Variants in ACSM3 observed in about 807,000 individuals in gnomAD.
The protein encoded by ACSM3 is acyl-coenzyme A synthetase ACSM3, mitochondrial.
Under a neutral mutation model 74.1 loss-of-function variants are expected in ACSM3, and 61 were observed. That is an observed-to-expected ratio of 0.82 (90% CI 0.67 to 1.02). ACSM3 has a LOEUF of 1.02. Among genes scored for constraint, ACSM3 ranks in the 50% least tolerant of loss-of-function variants. The pLI is 0.00. For missense variants in ACSM3, 660 were observed against 697.0 expected, an observed-to-expected ratio of 0.95 and a Z score of 0.60; for synonymous variants, 213 against 241.5, an observed-to-expected ratio of 0.88 and a Z score of 1.09.
At chr16:20,786,296 A>C in intron 9 of ACSM3, 138 bp downstream of exon 9, 1 of 1,400,074 alleles carries the variant, frequency 7.1e-7, no homozygotes, top group Non-Finnish European at 9.4e-7. Flanking sequence ...TTTTATAAAT[A>C]TGTGAAAATG....
chr16:20,702,395 G>A (rs2079715061), intron 1 of ACSM3, among the ~76,000 whole-genome samples: 1 of 152,174 alleles, frequency 6.6e-6, no homozygotes, highest in African/African-American at 2.4e-5. Flanking sequence ...TGTATCTTTA[G>A]TAGAGATGGG....
Position 20,790,729 on chromosome 16 carries a change from T to C in ACSM3, c.1326+41T>C, listed in dbSNP as rs1333142244. 10 of 1,613,958 alleles carry C rather than the reference T, an allele frequency of 6.2e-6. No homozygotes were observed. Among genetic ancestry groups the C allele is most frequent in the South Asian group, 2.2e-5 (2 of 91,072 alleles). On this transcript the variant is annotated intron_variant, in intron 10 of 13. Coordinates refer to ENST00000289416, the MANE Select transcript of ACSM3 (RefSeq NM_005622.4). This position sits in a 1 kb window ranked among gnomAD's most constrained non-coding sequence, Gnocchi z 4.0. ...AATAATCTCATTTTCTATTTATTTC[T>C]CAAGTGCTTGGTAACAATCCCTGTT...
In ACSM3 at chr16:20,767,410, G is replaced by A. The variant is rs1349221197; in HGVS notation, c.-51-2574G>A. Among the ~76,000 whole-genome samples, 4 of 59,142 alleles carry A rather than the reference G, an allele frequency of 6.8e-5. 2 individuals are homozygous for A. The highest frequency in any genetic ancestry group is 1.6e-4 in the Non-Finnish European group (4 of 25,412). The allele number at this position is 59,142 out of a possible 152,430, so 38.8% of individuals were successfully genotyped here. A position where few individuals can be genotyped will look rare whatever the true frequency, so the allele number is the denominator to read the frequency against. The stretch of plus-strand genomic sequence containing the variant: ...CGGGCGCCTGTAGTCCCAGCTACTC[G>A]GGAGGCTGAGGCAGGAGAATGGCGT... On this transcript the variant is annotated intron_variant, in intron 1 of 13. Coordinates refer to ENST00000289416, the MANE Select transcript of ACSM3 (RefSeq NM_005622.4).
rs35507753 is a variant in ACSM3 at position 20,693,169 on chromosome 16, C to CA, written c.-190+18364dup. ...TGGGCAACAGAGCAAAATTCCGTCTCAAAAAAAAAAAAAAAAATTCAGATC... is the reference window on the plus strand; with the variant it reads ...TGGGCAACAGAGCAAAATTCCGTCTCAAAAAAAAAAAAAAAAAATTCAGATC... On this transcript the variant is annotated intron_variant, in intron 1 of 3. Transcript: ENST00000561584. Among the ~76,000 whole-genome samples the CA allele has an allele frequency of 6.6e-3, 751 of 114,412 alleles. 2 individuals are homozygous for CA. Among genetic ancestry groups the CA allele is most frequent in the East Asian group, 0.021 (89 of 4,154 alleles). 75.1% of individuals were successfully genotyped at this position (114,412 alleles called of 152,430 possible). A position where few individuals can be genotyped will look rare whatever the true frequency, so the allele number is the denominator to read the frequency against.
At chr16:20,775,269 C>T (rs1210939779) in intron 2 of ACSM3, among the ~76,000 whole-genome samples, 1 of 152,134 alleles carries the variant, frequency 6.6e-6, no homozygotes, top group African/African-American at 2.4e-5. Flanking sequence ...AGCTCGGGTC[C>T]TGGGGTTTGT....
intron 1 of ACSM3, among the ~76,000 whole-genome samples, chr16:20,704,071 T>C (rs2079720535): frequency 6.6e-6 from 1 of 152,228 alleles, no homozygotes; most frequent in African/African-American, 2.4e-5. Flanking sequence ...ACACATTGCT[T>C]AGTAAAATTT....
At chr16:20,771,371 C>CTTTT (rs57406215) in intron 2 of ACSM3, among the ~76,000 whole-genome samples, 4 of 85,252 alleles carry the variant, frequency 4.7e-5, no homozygotes, top group African/African-American at 1.4e-4. Flanking sequence ...GGCCGAGCTC[C>CTTTT]TTTTTTTTTT....
At chr16:20,691,750 AATGTGTGTGT>A (rs1336324275) in intron 1 of ACSM3, among the ~76,000 whole-genome samples, 15 of 87,896 alleles carry the variant, frequency 1.7e-4, no homozygotes, top group Non-Finnish European at 3.2e-4. Context: ...ATACCTCTCC[AATGTGTGTGT>A]GTGTGTGTGT....
intron 1 of ACSM3, among the ~76,000 whole-genome samples, chr16:20,700,905 G>A (rs978216651): frequency 1.3e-5 from 2 of 152,154 alleles, no homozygotes; most frequent in Non-Finnish European, 2.9e-5. Flanking sequence ...GGGGATGCCA[G>A]TCGGGAGGCT....
intron 4 of ACSM3, among the ~76,000 whole-genome samples, chr16:20,778,284 G>A (rs2080280474): frequency 6.6e-6 from 1 of 152,214 alleles, no homozygotes; most frequent in East Asian, 1.9e-4. Flanking sequence ...CCAGGTACTG[G>A]TTATGCCTTA....
intron 1 of ACSM3, chr16:20,691,372 G>A (rs2079650292): frequency 1.9e-6 from 1 of 519,336 alleles, no homozygotes; most frequent in Non-Finnish European, 3.3e-6. Context: ...ACCCCTGATT[G>A]ATTTTGGTGG....
chr16:20,796,616 A>G, intron 13 of ACSM3, 127 bp downstream of exon 13: 1 of 1,528,194 alleles, frequency 6.5e-7, no homozygotes. Context: ...AACTGATGAC[A>G]TATGGGTAAG....
chr16:20,675,535 G>C (rs1396845045), intron 1 of ACSM3, among the ~76,000 whole-genome samples: 1 of 152,176 alleles, frequency 6.6e-6, no homozygotes. Flanking sequence ...GGGAGGAAAT[G>C]GGAGGAAAAG....
At chr16:20,691,548 C>A (rs1387585884) in intron 1 of ACSM3, among the ~76,000 whole-genome samples, 1 of 152,106 alleles carries the variant, frequency 6.6e-6, no homozygotes, top group African/African-American at 2.4e-5. Flanking sequence ...GGTAGAGCAA[C>A]TCGCCTTTTG....
chr16:20,796,421 G>A lies in ACSM3; in HGVS notation c.1606G>A (p.Glu536Lys). Residue 536 changes from glutamate to lysine, a missense_variant, in exon 13 of 14, where the codon GAA (glutamate) becomes AAA (lysine). Physicochemically the swap from Glu to Lys is moderately conservative, Grantham distance 56 (BLOSUM62 1). Coordinates refer to ENST00000289416, the MANE Select transcript of ACSM3 (RefSeq NM_005622.4). ...LNPDYKSHDQ[E>K]QLIKEIQEHV... ...TCCTGATTACAAGTCACATGATCAA[G>A]AACAACTAATAAAGGAGATTCAGGA... 1 of 1,613,716 alleles carries A rather than the reference G, an allele frequency of 6.2e-7. No homozygotes were observed. Among genetic ancestry groups the A allele is most frequent in the African/African-American group, 1.3e-5 (1 of 74,970 alleles).
chr16:20,781,827 G>A, intron 7 of ACSM3, 40 bp downstream of exon 7: 2 of 1,441,104 alleles, frequency 1.4e-6, no homozygotes, highest in East Asian at 2.3e-5. Context: ...TGGGGAGAGG[G>A]GAGAAGAGGA....
intron 12 of ACSM3, among the ~76,000 whole-genome samples, chr16:20,794,330 CAT>C (rs2080672312): frequency 6.6e-6 from 1 of 152,156 alleles, no homozygotes; most frequent in East Asian, 1.9e-4. Context: ...TTTGGGATCA[CAT>C]ATCTCTTTGA....
At chr16:20,713,138 C>A (rs779229483) in intron 1 of ACSM3, among the ~76,000 whole-genome samples, 4 of 152,142 alleles carry the variant, frequency 2.6e-5, no homozygotes, top group Non-Finnish European at 4.4e-5. Context: ...TGCTGAAACT[C>A]TGTATCTTAT....
At position 20,786,057 on chromosome 16, in the gene ACSM3, CT is replaced by C. The variant is rs897404223; in HGVS notation, c.1144-16del. On this transcript the variant is annotated intron_variant, in intron 8 of 13. Transcript: ENST00000289416. The stretch of plus-strand genomic sequence containing the variant: ...TTAAGTGACTTGTAATGTTATCTTA[CT>C]TTTTCTTCTTCTTAACTAGGTGCTA... 6.8e-6 allele frequency: 10 copies of C among 1,464,194 alleles called. No individual in the cohort carries two copies. Among genetic ancestry groups the C allele is most frequent in the African/African-American group, 2.9e-5 (2 of 69,800 alleles). The allele number at this position is 1,464,194 out of a possible 1,614,324, so 90.7% of individuals were successfully genotyped here. A position where few individuals can be genotyped will look rare whatever the true frequency, so the allele number is the denominator to read the frequency against.
Sources: allele counts gnomAD v4.1 joint callset (sites outside exome capture counted in the v4.1 genomes callset), GRCh38; gene constraint gnomAD v4.1.1; non-coding constraint Gnocchi (gnomAD v3.1); transcripts MANE v1.5; gene names NCBI Gene and HGNC (gene_info 2026-07-23, HGNC 2026-07-21).